COL4A6: variants seen among roughly 807,000 people sequenced by gnomAD.
The protein encoded by COL4A6 is collagen type IV alpha 6 chain.
Under a neutral mutation model 126.7 loss-of-function variants are expected in COL4A6, and 59 were observed. The observed-to-expected ratio is 0.47, with a 90% CI of 0.38 to 0.58. The LOEUF is 0.58. Among genes scored for constraint, COL4A6 ranks in the 20% least tolerant of loss-of-function variants. The pLI, the probability that COL4A6 is intolerant of heterozygous loss-of-function variation, is 0.00. For missense variants in COL4A6, 1,285 were observed against 1,337.3 expected (o/e 0.96, Z 0.61); for synonymous variants, 547 against 496.6 (o/e 1.10, Z -1.35).
At chrX:108,283,513 T>G (rs1486664606) in intron 3 of COL4A6, among the ~76,000 whole-genome samples, 2 of 111,601 alleles carry the variant, frequency 1.8e-5, no homozygotes, top group African/African-American at 6.5e-5. Context: ...TCAAATAATG[T>G]TTGCCTTAGA....
intron 3 of COL4A6, among the ~76,000 whole-genome samples, chrX:108,306,779 G>A (rs143137962): frequency 1.4e-3 from 151 of 111,344 alleles, no homozygotes; most frequent in Middle Eastern, 9.3e-3. Flanking sequence ...TAAAATGGGG[G>A]ACAAACAGCC....
At chrX:108,225,502 T>A (rs980699987) in intron 3 of COL4A6, among the ~76,000 whole-genome samples, 3 of 112,209 alleles carry the variant, frequency 2.7e-5, no homozygotes, top group Non-Finnish European at 5.6e-5. Flanking sequence ...CACATCAGGG[T>A]CTAATTCTCA....
At chrX:108,198,718 T>C (rs2035296691) in intron 13 of COL4A6, among the ~76,000 whole-genome samples, 1 of 111,229 alleles carries the variant, frequency 9.0e-6, no homozygotes, top group Non-Finnish European at 1.9e-5. Context: ...CTAGGTTAAC[T>C]GTTTCCAGGC....
At chrX:108,417,850 A>G (rs775441924) in intron 2 of COL4A6, among the ~76,000 whole-genome samples, 58 of 111,835 alleles carry the variant, frequency 5.2e-4, no homozygotes, top group Non-Finnish European at 1.0e-3. Context: ...GAGAACTCTA[A>G]GGAACTCTAG....
At chrX:108,312,887 T>C (rs773516661) in intron 2 of COL4A6, among the ~76,000 whole-genome samples, 2 of 108,458 alleles carry the variant, frequency 1.8e-5, no homozygotes, top group Non-Finnish European at 3.8e-5. Flanking sequence ...CCCTCAAGCA[T>C]GGAGCAAAGA....
intron 2 of COL4A6, among the ~76,000 whole-genome samples, chrX:108,334,610 T>C (rs1481314718): frequency 8.9e-6 from 1 of 111,739 alleles, no homozygotes; most frequent in Non-Finnish European, 1.9e-5. Flanking sequence ...ATTATTATAA[T>C]AAATGGCTGA....
At chrX:108,340,537 A>G (rs1176311590) in intron 2 of COL4A6, among the ~76,000 whole-genome samples, 1 of 110,879 alleles carries the variant, frequency 9.0e-6, no homozygotes, top group East Asian at 2.8e-4. Flanking sequence ...GGAAGAAATG[A>G]AAAGATCACC....
chrX:108,364,602 A>C (rs980454), intron 2 of COL4A6, among the ~76,000 whole-genome samples: 40,250 of 109,019 alleles, frequency 0.37, 6,752 homozygotes, highest in East Asian at 0.73. Flanking sequence ...TCTGAGTCTC[A>C]AATGTCTATC....
At chrX:108,319,348 C>A (rs189825590) in intron 2 of COL4A6, among the ~76,000 whole-genome samples, 2 of 111,797 alleles carry the variant, frequency 1.8e-5, no homozygotes, top group Admixed American at 1.9e-4. Flanking sequence ...CAGAGTGAGA[C>A]CCTCTCTAAA....
At chrX:108,243,959 C>G (rs759684115) in intron 3 of COL4A6, among the ~76,000 whole-genome samples, 11 of 112,085 alleles carry the variant, frequency 9.8e-5, no homozygotes, top group Middle Eastern at 4.6e-3. Flanking sequence ...TATAAAAGGA[C>G]AGCGGTCACA....
chrX:108,392,392 TAAAG>T (rs1359429412), intron 2 of COL4A6, among the ~76,000 whole-genome samples: 1 of 105,686 alleles, frequency 9.5e-6, no homozygotes, highest in East Asian at 3.0e-4. Flanking sequence ...CTAGAACAGA[TAAAG>T]AACTCTCACA....
chrX:108,213,972 C>T (rs775779632), intron 6 of COL4A6, 140 bp downstream of exon 6: 22 of 509,802 alleles, frequency 4.3e-5, no homozygotes, highest in African/African-American at 4.1e-4. Context: ...TGTGGTGCTG[C>T]CAGTATTGAC....
intron 24 of COL4A6, 26 bp from the exon 25 acceptor site, chrX:108,180,648 G>A (rs377072206): frequency 7.1e-5 from 78 of 1,098,331 alleles, no homozygotes; most frequent in Non-Finnish European, 8.4e-5. Context: ...TAAGCAATGA[G>A]GGGAAAGGAA....
intron 3 of COL4A6, among the ~76,000 whole-genome samples, chrX:108,271,971 A>C (rs1252670445): frequency 8.9e-6 from 1 of 112,056 alleles, no homozygotes; most frequent in African/African-American, 3.2e-5. Context: ...CTAATTAACC[A>C]GTTTACCCTT....
At chrX:108,353,475 AAAG>A (rs749846423) in intron 2 of COL4A6, among the ~76,000 whole-genome samples, 1 of 112,274 alleles carries the variant, frequency 8.9e-6, no homozygotes, top group East Asian at 2.8e-4. Context: ...AGGAGGATGA[AAAG>A]AAGATTAGGA....
In COL4A6 at chrX:108,378,879, C is replaced by A. The variant is rs929763726; in HGVS notation, c.63+59063G>T. Among the ~76,000 whole-genome samples the A allele has an allele frequency of 6.2e-5, 7 of 112,623 alleles. No individual in the cohort carries two copies. In the East Asian group the frequency reaches 8.3e-4, roughly 13 times the overall value. ...TGTCTATGGCTGTTTTTGTGCTCAA[C>A]AACAGAGATAAGTAGTTGTGACAGA... On this transcript the variant is annotated intron_variant, in intron 2 of 44. Transcript: ENST00000334504.
chrX:108,345,451 A>C (rs1453315169), intron 2 of COL4A6, among the ~76,000 whole-genome samples: 1 of 111,896 alleles, frequency 8.9e-6, no homozygotes, highest in Non-Finnish European at 1.9e-5. Context: ...GTTCAAGCCT[A>C]AATTAATAAA....
In COL4A6 at chrX:108,367,437, G is replaced by A. The variant is rs984779660; in HGVS notation, c.64-56609C>T. ...AAAGGTAAGCTTGGAAGTACCTGCA[G>A]AACATACCCTCGTGTCTTAAAGACA... is the stretch of plus-strand genomic sequence containing the variant. On this transcript the variant is annotated intron_variant, in intron 2 of 44. Transcript: ENST00000334504. 2.7e-5 allele frequency among the ~76,000 whole-genome samples: 3 copies of A among 111,659 alleles called. No homozygotes were observed. In the Admixed American group the frequency reaches 2.9e-4, roughly 11 times the overall value.
At chrX:108,414,968 C>A (rs992659091) in intron 2 of COL4A6, among the ~76,000 whole-genome samples, 3 of 111,632 alleles carry the variant, frequency 2.7e-5, no homozygotes, top group Admixed American at 1.9e-4. Flanking sequence ...GAGGCCAGAG[C>A]AGTCATAGTA....
Sources: allele counts gnomAD v4.1 joint callset (sites outside exome capture counted in the v4.1 genomes callset), GRCh38; gene constraint gnomAD v4.1.1; transcripts MANE v1.5; gene names NCBI Gene and HGNC (gene_info 2026-07-23, HGNC 2026-07-21).